The following DKKL1 variants were observed in gnomAD, a reference collection of about 807,000 sequenced individuals.
DKKL1 encodes the protein dickkopf-like protein 1.
DKKL1 carries 11 observed loss-of-function variants against 16.5 expected under a neutral mutation model. The observed-to-expected ratio is 0.67, with a 90% CI of 0.42 to 1.10. The LOEUF is 1.10. DKKL1 is among the 50% of genes least tolerant of loss of function. The pLI, the probability that DKKL1 is intolerant of heterozygous loss-of-function variation, is 0.00. For synonymous variants in DKKL1, 119 were observed against 133.2 expected (o/e 0.89, Z 0.73); for missense variants, 320 against 308.1 (o/e 1.04, Z -0.29).
At chr19:49,360,518 G>A, upstream of DKKL1, 1 of 184,626 alleles carries the variant, frequency 5.4e-6, no homozygotes, top group Non-Finnish European at 1.1e-5. Flanking sequence ...AAGTCACAAT[G>A]ATTACCCTAG....
At position 49,363,986 on chromosome 19, in the gene DKKL1, G is replaced by A. The variant is rs374710404; in HGVS notation, c.-13G>A. Reference sequence around the variant, plus strand: ...TCTAGCATAAAGGCGGAGCCCAGAAGAAGGGGCGGGGTATGGGAGAAGGTG... The same window carrying A: ...TCTAGCATAAAGGCGGAGCCCAGAAAAAGGGGCGGGGTATGGGAGAAGGTG... On this transcript the variant is annotated 5_prime_UTR_variant, in exon 1 of 5. Transcript: ENST00000221498. The A allele has an allele frequency of 9.3e-6, 15 of 1,613,390 alleles. No homozygotes were observed. Among genetic ancestry groups the A allele is most frequent in the South Asian group, 2.2e-5 (2 of 90,970 alleles).
chr19:49,368,051 G>A (rs918679883), intron 4 of DKKL1, among the ~76,000 whole-genome samples: 6 of 152,110 alleles, frequency 3.9e-5, no homozygotes, highest in South Asian at 2.1e-4. Flanking sequence ...GCTGGCTTAC[G>A]CCTGTAATCC....
upstream of DKKL1, chr19:49,363,621 G>T (rs1422318541): frequency 2.9e-6 from 1 of 348,552 alleles, no homozygotes; most frequent in African/African-American, 2.1e-5. Flanking sequence ...ACACCGCCAG[G>T]ACTTCCAGGA....
chr19:49,373,391 G>C (rs1353731762), intron 4 of DKKL1, among the ~76,000 whole-genome samples: 1 of 152,036 alleles, frequency 6.6e-6, no homozygotes, highest in Non-Finnish European at 1.5e-5. Context: ...AATGACCCTA[G>C]TTCCAAATAA....
chr19:49,365,926 ATTTTCTTT>A (rs775122343), intron 4 of DKKL1, 41 bp downstream of exon 4: 8 of 1,573,240 alleles, frequency 5.1e-6, no homozygotes, highest in Non-Finnish European at 6.9e-6. Flanking sequence ...AGGCCCAAAC[ATTTTCTTT>A]TTTTCTTTTT....
Position 49,374,712 on chromosome 19 carries a change from C to T in DKKL1, c.418-5C>T. The T allele has an allele frequency of 2.0e-6, 3 of 1,519,982 alleles. No individual in the cohort carries two copies. Among genetic ancestry groups the T allele is most frequent in the African/African-American group, 1.4e-5 (1 of 71,944 alleles). 94.2% of individuals were successfully genotyped at this position (1,519,982 alleles called of 1,614,324 possible). A position where few individuals can be genotyped will look rare whatever the true frequency, so the allele number is the denominator to read the frequency against. On this transcript the variant is annotated splice_region_variant and splice_polypyrimidine_tract_variant and intron_variant, in intron 4 of 4. Coordinates refer to ENST00000221498, the MANE Select transcript of DKKL1 (RefSeq NM_014419.4). ...TGAGAGGGTCTCCTTGTTCTTCCTC[C>T]CCAGGTACCCAGGATGGAGGAGAAG... is the stretch of plus-strand genomic sequence containing the variant.
chr19:49,362,922 T>G (rs1472136977), upstream of DKKL1, among the ~76,000 whole-genome samples: 413 of 129,724 alleles, frequency 3.2e-3, 19 homozygotes, highest in Middle Eastern at 7.7e-3. Flanking sequence ...TTTTTTTGTT[T>G]TTTGTTTTTT....
rs1441148558 is a variant in DKKL1, at chr19:49,365,920, CCAAA to C, written c.417+38_417+41del. On this transcript the variant is annotated intron_variant, in intron 4 of 4. Coordinates refer to ENST00000221498, the MANE Select transcript of DKKL1 (RefSeq NM_014419.4). ...TGCCCCGCCGTCAAAGTGTCCAGGC[CCAAA>C]CATTTTCTTTTTTTCTTTTTTAAAG... 8 of 1,581,956 alleles carry C rather than the reference CCAAA, an allele frequency of 5.1e-6. No homozygotes were observed. The African/African-American group carries it at 8.2e-5, about 16-fold the overall frequency.
In DKKL1 at chr19:49,364,336, A is replaced by T. The variant is rs554289953; in HGVS notation, c.11-246A>T. Among the ~76,000 whole-genome samples, 9 of 137,162 alleles carry T rather than the reference A, an allele frequency of 6.6e-5. No individual in the cohort carries two copies. In the South Asian group the frequency reaches 2.1e-3, roughly 32 times the overall value. 90.0% of individuals were successfully genotyped at this position (137,162 alleles called of 152,430 possible). A position where few individuals can be genotyped will look rare whatever the true frequency, so the allele number is the denominator to read the frequency against. On this transcript the variant is annotated intron_variant, in intron 1 of 4. Coordinates refer to ENST00000221498, the MANE Select transcript of DKKL1 (RefSeq NM_014419.4). The stretch of plus-strand genomic sequence containing the variant: ...CACTGTACTCCAGCCTGGACTACAG[A>T]GTCTCGGTCTCAAAAAAAAAAAAAA...
chr19:49,363,866 C>A (rs1973122798), upstream of DKKL1: 3 of 1,323,810 alleles, frequency 2.3e-6, no homozygotes, highest in East Asian at 2.5e-5. Flanking sequence ...GCGCAACCAA[C>A]GCTCTAGACC....
intron 4 of DKKL1, among the ~76,000 whole-genome samples, chr19:49,368,237 C>T (rs1021984244): frequency 6.6e-5 from 10 of 151,160 alleles, no homozygotes; most frequent in Admixed American, 4.6e-4. Context: ...TGTTTGAACC[C>T]GGGAGGCAGA....
At chr19:49,374,421 A>G (rs1247560747) in intron 4 of DKKL1, among the ~76,000 whole-genome samples, 28 of 152,208 alleles carry the variant, frequency 1.8e-4, no homozygotes, top group Admixed American at 1.8e-3. Context: ...AACCTCAGAG[A>G]GGATTTAATC....
chr19:49,374,797 G>A lies in DKKL1; in HGVS notation c.498G>A (p.Arg166=), dbSNP rs773784124. 1.1e-5 allele frequency: 17 copies of A among 1,612,262 alleles called. No homozygotes were observed. In the African/African-American group the frequency reaches 2.0e-4, roughly 19 times the overall value. ...GCTTCCACACAGAACTCCATCCCCG[G>A]GTGGCCTTCTGGATCATTAAGCTGC... ...TDSFHTELHP[R]VAFWIIKLPR... The change falls in exon 5 of 5, where the codon CGG becomes CGA. Residue 166 remains arginine (R), a synonymous_variant. Transcript: ENST00000221498.
intron 4 of DKKL1, among the ~76,000 whole-genome samples, chr19:49,366,763 A>G (rs1973266760): frequency 6.6e-6 from 1 of 150,606 alleles, no homozygotes; most frequent in South Asian, 2.1e-4. Context: ...GCTGGAGTAC[A>G]GTGGCACAAT....
upstream of DKKL1, among the ~76,000 whole-genome samples, chr19:49,360,620 A>G (rs977977993): frequency 6.6e-6 from 1 of 152,000 alleles, no homozygotes; most frequent in African/African-American, 2.4e-5. Context: ...TGGGGAAGGA[A>G]GGTGTGGGTG....
At chr19:49,365,048 C>T (rs1973196368) in intron 2 of DKKL1, among the ~76,000 whole-genome samples, 1 of 152,126 alleles carries the variant, frequency 6.6e-6, no homozygotes, top group African/African-American at 2.4e-5. Flanking sequence ...CGCCTATAAT[C>T]CCAGCTGCTT....
intron 1 of DKKL1, 152 bp from the exon 2 acceptor site, chr19:49,364,430 T>C (rs1384318617): frequency 9.3e-6 from 5 of 536,464 alleles, no homozygotes; most frequent in Non-Finnish European, 1.5e-5. Context: ...AGGTGGAGGG[T>C]GTGGGAGTAG....
intron 4 of DKKL1, among the ~76,000 whole-genome samples, chr19:49,372,755 A>C (rs1214639653): frequency 5.3e-5 from 8 of 151,742 alleles, no homozygotes; most frequent in East Asian, 3.9e-4. Context: ...TAATCCCAGC[A>C]CTTTGGGAGG....
At chr19:49,362,920 TTTTTTGTTTTTTTTG>T (rs1568588596), upstream of DKKL1, among the ~76,000 whole-genome samples, 33 of 129,716 alleles carry the variant, frequency 2.5e-4, 1 homozygote, top group African/African-American at 1.0e-3. Context: ...GGTTTTTTTG[TTTTTTGTTTTTTTTG>T]TTTTTTTTTT....
Sources: allele counts gnomAD v4.1 joint callset (sites outside exome capture counted in the v4.1 genomes callset), GRCh38; gene constraint gnomAD v4.1.1; transcripts MANE v1.5; gene names NCBI Gene and HGNC (gene_info 2026-07-23, HGNC 2026-07-21).